NAV2: variants seen among roughly 807,000 people sequenced by gnomAD.
The protein encoded by NAV2 is helicase, APC down-regulated 1.
NAV2 carries 54 observed loss-of-function variants against 223.2 expected under a neutral mutation model. That is an observed-to-expected ratio of 0.24 (90% CI 0.19 to 0.30). The LOEUF (loss-of-function observed/expected upper bound fraction) is 0.30. NAV2 is among the 10% of genes least tolerant of loss of function. NAV2 has a pLI of 1.00. For synonymous variants in NAV2, 1,279 were observed against 1,239.3 expected, an observed-to-expected ratio of 1.03 and a Z score of -0.67; for missense variants, 2,806 against 3,147.5, an observed-to-expected ratio of 0.89 and a Z score of 2.60.
upstream of NAV2, among the ~76,000 whole-genome samples, chr11:19,346,563 C>A (rs1169069667): frequency 6.6e-6 from 1 of 152,234 alleles, no homozygotes; most frequent in Admixed American, 6.5e-5. Flanking sequence ...GCGGTGGCAG[C>A]CCGCGTCGCC....
At chr11:19,795,729 G>A (rs988779485) in intron 1 of NAV2, among the ~76,000 whole-genome samples, 3 of 152,192 alleles carry the variant, frequency 2.0e-5, no homozygotes, top group Admixed American at 6.5e-5. Flanking sequence ...TGATAAATTT[G>A]CCTCCTCATG....
chr11:19,771,373 C>T (rs916473708), intron 1 of NAV2, among the ~76,000 whole-genome samples: 2 of 152,116 alleles, frequency 1.3e-5, no homozygotes, highest in African/African-American at 4.8e-5. Flanking sequence ...CGAGAATTCA[C>T]CAGCAGTTAG....
chr11:19,734,578 A>C (rs2052107347), intron 1 of NAV2, among the ~76,000 whole-genome samples: 1 of 152,240 alleles, frequency 6.6e-6, no homozygotes, highest in Non-Finnish European at 1.5e-5. Context: ...CACTGGATTA[A>C]GATCTCCCTC....
At chr11:19,366,235 C>A (rs774002194) in intron 1 of NAV2, among the ~76,000 whole-genome samples, 1 of 152,144 alleles carries the variant, frequency 6.6e-6, no homozygotes, top group African/African-American at 2.4e-5. Flanking sequence ...CAGGGTGGCT[C>A]CTGGCTCCTA....
chr11:19,696,887 A>G (rs748914969), intron 1 of NAV2, among the ~76,000 whole-genome samples: 8 of 152,188 alleles, frequency 5.3e-5, no homozygotes, highest in South Asian at 2.1e-4. Context: ...AAGTAGTGTT[A>G]AGATATGATT....
chr11:19,566,311 C>G (rs1219566320), intron 1 of NAV2, among the ~76,000 whole-genome samples: 1 of 152,060 alleles, frequency 6.6e-6, no homozygotes, highest in Non-Finnish European at 1.5e-5. Flanking sequence ...CTCCTGGTCT[C>G]AAGCAATTCA....
intron 20 of NAV2, 100 bp from the exon 21 acceptor site, chr11:20,068,086 C>T: frequency 9.3e-7 from 1 of 1,077,380 alleles, no homozygotes. Context: ...ATAATTCTTC[C>T]AGACTGCTGC....
At chr11:20,000,834 G>A in intron 11 of NAV2, among the ~76,000 whole-genome samples, 1 of 152,164 alleles carries the variant, frequency 6.6e-6, no homozygotes, top group East Asian at 1.9e-4. Flanking sequence ...CCACTGCTCT[G>A]TAGCACGTCC....
intron 1 of NAV2, among the ~76,000 whole-genome samples, chr11:19,443,336 ACGGAGAAGTATACAGTCAGCTCT>A (rs1273699210): frequency 2.7e-4 from 41 of 152,220 alleles, no homozygotes; most frequent in African/African-American, 8.9e-4. Context: ...GTCTGCAATG[ACGGAGAAGTATACAGTCAGCTCT>A]CCATGGAGTT....
chr11:19,742,155 GC>G (rs2052898459), intron 1 of NAV2, among the ~76,000 whole-genome samples: 1 of 152,074 alleles, frequency 6.6e-6, no homozygotes, highest in Admixed American at 6.5e-5. Context: ...CCCCTCCTGA[GC>G]CCCTTATACT....
chr11:20,004,191 C>T (rs1485007427), intron 11 of NAV2, among the ~76,000 whole-genome samples: 1 of 152,178 alleles, frequency 6.6e-6, no homozygotes, highest in Non-Finnish European at 1.5e-5. Flanking sequence ...CATTTCCCTC[C>T]ATATCACCTC....
intron 26 of NAV2, among the ~76,000 whole-genome samples, chr11:20,084,602 C>T (rs572586149): frequency 6.6e-6 from 1 of 152,274 alleles, no homozygotes; most frequent in East Asian, 1.9e-4. Flanking sequence ...GACTGGACTT[C>T]GGTTTGGCCC....
chr11:20,050,159 G>A (rs1196637910), intron 16 of NAV2, among the ~76,000 whole-genome samples: 1 of 152,058 alleles, frequency 6.6e-6, no homozygotes, highest in Non-Finnish European at 1.5e-5. Context: ...CTTGATCTGG[G>A]GCAGCGGAAG....
chr11:19,434,394 A>G (rs554935661), intron 1 of NAV2, among the ~76,000 whole-genome samples: 1 of 152,348 alleles, frequency 6.6e-6, no homozygotes, highest in East Asian at 1.9e-4. Context: ...AGCAGAATTC[A>G]TATGTCAGAA....
chr11:19,968,982 G>C (rs2048999911), intron 10 of NAV2, among the ~76,000 whole-genome samples: 1 of 152,114 alleles, frequency 6.6e-6, no homozygotes. Flanking sequence ...TGGCTTCTGA[G>C]TGTCTCATGC....
At chr11:19,520,384 T>C (rs1384960681) in intron 1 of NAV2, among the ~76,000 whole-genome samples, 8 of 152,228 alleles carry the variant, frequency 5.3e-5, no homozygotes, top group Admixed American at 5.2e-4. Context: ...AGCCATGGGA[T>C]GCCCTGCCAA....
intron 6 of NAV2, among the ~76,000 whole-genome samples, chr11:19,897,646 A>T (rs1266389063): frequency 6.6e-6 from 1 of 152,110 alleles, no homozygotes; most frequent in Non-Finnish European, 1.5e-5. Context: ...GTGGTGACCA[A>T]GTACACAGTT....
chr11:19,550,945 G>A (rs181267309), intron 1 of NAV2, among the ~76,000 whole-genome samples: 16 of 152,286 alleles, frequency 1.1e-4, no homozygotes, highest in African/African-American at 3.4e-4. Context: ...AAACCACCCC[G>A]TAATCTACAT....
chr11:19,595,668 C>T (rs566952979), intron 1 of NAV2, among the ~76,000 whole-genome samples: 1 of 152,088 alleles, frequency 6.6e-6, no homozygotes, highest in East Asian at 1.9e-4. Flanking sequence ...GATTCTCCCA[C>T]CTCAGAGCCT....
Sources: allele counts gnomAD v4.1 joint callset (sites outside exome capture counted in the v4.1 genomes callset), GRCh38; gene constraint gnomAD v4.1.1; transcripts MANE v1.5; gene names NCBI Gene and HGNC (gene_info 2026-07-23, HGNC 2026-07-21).